Variants in RCAN2 observed in about 807,000 individuals in gnomAD.
The protein encoded by RCAN2 is calcipressin-2.
A neutral mutation model predicts 23.6 loss-of-function variants in RCAN2; 9 were observed. The observed-to-expected ratio is 0.38, with a 90% CI of 0.23 to 0.67. The LOEUF (loss-of-function observed/expected upper bound fraction) is 0.67, where lower values mean the gene tolerates loss of function less well. Ranked by LOEUF, RCAN2 falls within the 30% of genes least tolerant of loss-of-function variation. RCAN2 has a pLI of 0.51. For missense variants in RCAN2, 273 were observed against 302.3 expected, an observed-to-expected ratio of 0.90 and a Z score of 0.72; for synonymous variants, 109 against 115.7, an observed-to-expected ratio of 0.94 and a Z score of 0.37.
chr6:46,250,922 C>T (rs957316020), intron 2 of RCAN2, among the ~76,000 whole-genome samples: 3 of 152,126 alleles, frequency 2.0e-5, no homozygotes, highest in Admixed American at 2.0e-4. Context: ...TGATTCCATA[C>T]CCTGCTGCCC....
chr6:46,311,321 G>A (rs1452366482), intron 2 of RCAN2, among the ~76,000 whole-genome samples: 1 of 152,174 alleles, frequency 6.6e-6, no homozygotes, highest in Non-Finnish European at 1.5e-5. Context: ...GAAAGGCTGA[G>A]GATGGACACA....
intron 2 of RCAN2, among the ~76,000 whole-genome samples, chr6:46,276,666 A>C (rs1023555971): frequency 5.9e-5 from 9 of 152,228 alleles, no homozygotes; most frequent in African/African-American, 2.2e-4. Context: ...TATTTGAAAG[A>C]AGCTGTCCCA....
intron 2 of RCAN2, among the ~76,000 whole-genome samples, chr6:46,423,745 GA>G (rs1766956194): frequency 6.6e-6 from 1 of 152,058 alleles, no homozygotes; most frequent in Non-Finnish European, 1.5e-5. Context: ...CCACATCTTT[GA>G]TTTCTGAGAT....
chr6:46,407,439 T>G (rs1282030854), intron 2 of RCAN2, among the ~76,000 whole-genome samples: 1 of 152,236 alleles, frequency 6.6e-6, no homozygotes, highest in East Asian at 1.9e-4. Context: ...ACAGTTGTTT[T>G]ACGCAAGTCC....
intron 2 of RCAN2, among the ~76,000 whole-genome samples, chr6:46,428,423 C>A (rs1767094138): frequency 6.6e-6 from 1 of 152,066 alleles, no homozygotes; most frequent in African/African-American, 2.4e-5. Flanking sequence ...TGATATGCAC[C>A]ATGAGTAATG....
chr6:46,282,127 A>G (rs1435543816), intron 2 of RCAN2, among the ~76,000 whole-genome samples: 2 of 152,250 alleles, frequency 1.3e-5, no homozygotes, highest in Non-Finnish European at 2.9e-5. Context: ...TGAATGACAC[A>G]TATTTTAGAA....
At chr6:46,338,456 G>C (rs538409531) in intron 2 of RCAN2, among the ~76,000 whole-genome samples, 3 of 152,302 alleles carry the variant, frequency 2.0e-5, no homozygotes, top group African/African-American at 7.2e-5. Context: ...CAGGAAGCCT[G>C]GCTAGGGTAA....
At chr6:46,419,292 G>A (rs9349358) in intron 2 of RCAN2, among the ~76,000 whole-genome samples, 62,064 of 151,952 alleles carry the variant, frequency 0.41, 15,638 homozygotes, top group East Asian at 0.6. Flanking sequence ...ACTAGATAAG[G>A]CCCAACAACC....
chr6:46,445,669 A>G (rs965506298), intron 2 of RCAN2, among the ~76,000 whole-genome samples: 1 of 152,220 alleles, frequency 6.6e-6, no homozygotes, highest in African/African-American at 2.4e-5. Flanking sequence ...ATATAATAAC[A>G]TACAGAGAAA....
intron 2 of RCAN2, among the ~76,000 whole-genome samples, chr6:46,289,391 C>T (rs1039041090): frequency 2.6e-5 from 4 of 152,180 alleles, no homozygotes; most frequent in Non-Finnish European, 4.4e-5. Flanking sequence ...CAAGAGGAAA[C>T]ATAAGATGTC....
At chr6:46,306,721 C>G (rs1763081848) in intron 2 of RCAN2, among the ~76,000 whole-genome samples, 1 of 152,076 alleles carries the variant, frequency 6.6e-6, no homozygotes, top group African/African-American at 2.4e-5. Context: ...TAGGAGCTCA[C>G]TAAACGTTTC....
At chr6:46,461,316 C>G (rs1038001242) in intron 1 of RCAN2, among the ~76,000 whole-genome samples, 4 of 152,080 alleles carry the variant, frequency 2.6e-5, no homozygotes, top group Non-Finnish European at 5.9e-5. Flanking sequence ...CACATTGTAT[C>G]CCAGTGTATG....
intron 4 of RCAN2, among the ~76,000 whole-genome samples, chr6:46,239,240 G>A (rs1766213643): frequency 6.6e-6 from 1 of 152,224 alleles, no homozygotes; most frequent in Non-Finnish European, 1.5e-5. Context: ...TTTGGTAGCT[G>A]CCTATTCACA....
chr6:46,234,239 T>G (rs1766009499), intron 4 of RCAN2, among the ~76,000 whole-genome samples: 1 of 152,204 alleles, frequency 6.6e-6, no homozygotes, highest in Non-Finnish European at 1.5e-5. Flanking sequence ...AACTCTGACA[T>G]TGCACTGTTC....
At chr6:46,352,503 G>A (rs1764692182) in intron 2 of RCAN2, among the ~76,000 whole-genome samples, 2 of 152,198 alleles carry the variant, frequency 1.3e-5, no homozygotes, top group East Asian at 3.9e-4. Context: ...CTCTCCCCTT[G>A]GCTGATGTAC....
intron 2 of RCAN2, among the ~76,000 whole-genome samples, chr6:46,404,843 AC>A (rs1766351848): frequency 6.6e-6 from 1 of 152,236 alleles, no homozygotes; most frequent in Non-Finnish European, 1.5e-5. Context: ...AAAGCAAATA[AC>A]CCATATATGA....
At chr6:46,370,660 A>G (rs1442528119) in intron 2 of RCAN2, among the ~76,000 whole-genome samples, 1 of 152,188 alleles carries the variant, frequency 6.6e-6, no homozygotes, top group Non-Finnish European at 1.5e-5. Context: ...CCAGTCTCTG[A>G]ATGCACTGAC....
At chr6:46,286,387 G>T (rs1356098309) in intron 2 of RCAN2, among the ~76,000 whole-genome samples, 2 of 151,986 alleles carry the variant, frequency 1.3e-5, no homozygotes, top group South Asian at 2.1e-4. Flanking sequence ...TTTGTCTAAG[G>T]TTTTTCTTTT....
chr6:46,412,076 T>G (rs1178836425), intron 2 of RCAN2, among the ~76,000 whole-genome samples: 1 of 152,096 alleles, frequency 6.6e-6, no homozygotes, highest in Non-Finnish European at 1.5e-5. Flanking sequence ...AAAGAGACAA[T>G]GGTGACTTGA....
Sources: allele counts gnomAD v4.1 joint callset (sites outside exome capture counted in the v4.1 genomes callset), GRCh38; gene constraint gnomAD v4.1.1; transcripts MANE v1.5; gene names NCBI Gene and HGNC (gene_info 2026-07-23, HGNC 2026-07-21).